Variants in ADAP1 observed in about 807,000 individuals in gnomAD.
The protein encoded by ADAP1 is arf-GAP with dual PH domain-containing protein 1.
ADAP1 carries 31 observed loss-of-function variants against 54.9 expected under a neutral mutation model. The ratio of observed to expected loss-of-function variants is 0.56; its 90% CI spans 0.42 to 0.76. ADAP1 has a LOEUF of 0.76. Ranked by LOEUF, ADAP1 falls within the 30% of genes least tolerant of loss-of-function variation. The probability of loss-of-function intolerance (pLI) is 0.00; values close to 1 mark genes in which losing one functional copy is unlikely to be tolerated. For missense variants in ADAP1, 535 were observed against 512.4 expected (o/e 1.04, Z -0.42); for synonymous variants, 313 against 202.6 (o/e 1.55, Z -4.63).
At position 929,365 on chromosome 7, in the gene ADAP1, C is replaced by A. The variant is rs541941437; in HGVS notation, c.214-2721G>T. 2.0e-5 allele frequency among the ~76,000 whole-genome samples: 3 copies of A among 151,762 alleles called. No homozygotes were observed. The South Asian group carries it at 6.2e-4, about 32-fold the overall frequency. On this transcript the variant is annotated intron_variant, in intron 2 of 10. Transcript: ENST00000265846. ...AGGCGATCCTTGGACACACGGTGCC[C>A]ATGGAGGAAACCAGACACAAAACAC... is the stretch of plus-strand genomic sequence containing the variant.
At chr7:906,759 CAG>C (rs1845455335) in intron 4 of ADAP1, among the ~76,000 whole-genome samples, 1 of 16,174 alleles carries the variant, frequency 6.2e-5, no homozygotes, top group Non-Finnish European at 1.2e-4. Flanking sequence ...GGGACATGGA[CAG>C]GGGACATGGG....
chr7:906,675 G>GA lies in ADAP1; in HGVS notation c.389-1504_389-1503insT, dbSNP rs1562915084. Among the ~76,000 whole-genome samples, 135 of 90,850 alleles carry GA rather than the reference G, an allele frequency of 1.5e-3. 5 individuals carry two copies. The highest frequency in any genetic ancestry group is 2.1e-3 in the African/African-American group (37 of 17,508). 59.6% of individuals were successfully genotyped at this position (90,850 alleles called of 152,430 possible). The stretch of plus-strand genomic sequence containing the variant: ...AGAAAGGGGGCGGGAAAGGGGACAT[G>GA]GACAGGGGACACGGGGGACATGGAC... On this transcript the variant is annotated intron_variant, in intron 4 of 10. Coordinates refer to ENST00000265846, the MANE Select transcript of ADAP1 (RefSeq NM_006869.4).
chr7:907,450 C>T (rs926646123), intron 4 of ADAP1, among the ~76,000 whole-genome samples: 1 of 152,136 alleles, frequency 6.6e-6, no homozygotes, highest in African/African-American at 2.4e-5. Flanking sequence ...CTCCGAGTCT[C>T]GGGCCCGTGG....
At chr7:919,561 A>C (rs1427073164) in intron 4 of ADAP1, among the ~76,000 whole-genome samples, 1 of 100,768 alleles carries the variant, frequency 9.9e-6, no homozygotes, top group East Asian at 2.2e-4. Context: ...AGAGACAGAG[A>C]TAGAGAGAGG....
intron 1 of ADAP1, among the ~76,000 whole-genome samples, chr7:951,080 T>G (rs1307304253): frequency 6.6e-6 from 1 of 151,146 alleles, no homozygotes; most frequent in Non-Finnish European, 1.5e-5. Flanking sequence ...AAATTATTAT[T>G]TTTAAAAAAT....
intron 4 of ADAP1, chr7:905,567 A>AAAGGGGAAAGGAGAAAGGAGAAAGG (rs1845169338): frequency 2.0e-4 from 2 of 9,878 alleles, no homozygotes; most frequent in Non-Finnish European, 3.5e-4. Flanking sequence ...AGGAGAAAGG[A>AAAGGGGAAAGGAGAAAGGAGAAAGG]GAAAGGAGAA....
intron 2 of ADAP1, among the ~76,000 whole-genome samples, chr7:929,470 T>G (rs1583172321): frequency 7.3e-6 from 1 of 137,462 alleles, no homozygotes; most frequent in Non-Finnish European, 1.5e-5. Flanking sequence ...CGCTTGAGCC[T>G]GGGAGTTCGG....
intron 1 of ADAP1, among the ~76,000 whole-genome samples, chr7:940,467 G>A (rs1846914465): frequency 6.6e-6 from 1 of 152,260 alleles, no homozygotes; most frequent in South Asian, 2.1e-4. Context: ...GGTTGTCACT[G>A]GTAGGGCAGG....
rs1318267472 is a variant in ADAP1, at chr7:945,400, C to T, written c.82+8996G>A. 6.6e-6 allele frequency among the ~76,000 whole-genome samples: 1 copy of T among 152,248 alleles called. No individual in the cohort carries two copies. The highest frequency in any genetic ancestry group is 1.9e-4 in the East Asian group (1 of 5,190). On this transcript the variant is annotated intron_variant, in intron 1 of 10. Coordinates refer to ENST00000265846, the MANE Select transcript of ADAP1 (RefSeq NM_006869.4). This position sits in a 1 kb window ranked among gnomAD's most constrained non-coding sequence, Gnocchi z 4.2. Reference sequence around the variant, plus strand: ...GCCTGGGCTGCACTCCAGCTGCCCCCTCCACTCGGGGCACTGAACCGTGGG... The same window carrying T: ...GCCTGGGCTGCACTCCAGCTGCCCCTTCCACTCGGGGCACTGAACCGTGGG...
rs1449274730 is a variant in ADAP1 at position 903,845 on chromosome 7, G to GT, written c.648+280_648+281insA. 6 of 368,910 alleles carry GT rather than the reference G, an allele frequency of 1.6e-5. No homozygotes were observed. In the East Asian group the frequency reaches 3.7e-4, roughly 23 times the overall value. The allele number at this position is 368,910 out of a possible 1,614,324, so 22.9% of individuals were successfully genotyped here. A position where few individuals can be genotyped will look rare whatever the true frequency, so the allele number is the denominator to read the frequency against. On this transcript the variant is annotated intron_variant, in intron 6 of 10. Coordinates refer to ENST00000265846, the MANE Select transcript of ADAP1 (RefSeq NM_006869.4). ...CCCACTGACAGGGCCAAGCTGGGTGGCCCCAGAGACAGCGTGGTGATCCGG... is the reference window on the plus strand; with the variant it reads ...CCCACTGACAGGGCCAAGCTGGGTGGTCCCCAGAGACAGCGTGGTGATCCGG...
At chr7:935,089 A>G in intron 2 of ADAP1, 1 of 564,450 alleles carries the variant, frequency 1.8e-6, no homozygotes, top group Non-Finnish European at 3.4e-6. Flanking sequence ...AGCACTCCGG[A>G]GCTCCCAGGG....
intron 2 of ADAP1, among the ~76,000 whole-genome samples, chr7:932,999 T>C (rs552178941): frequency 6.6e-6 from 1 of 152,244 alleles, no homozygotes; most frequent in East Asian, 1.9e-4. Flanking sequence ...CAGCCAGGCA[T>C]GGTGGCTCAC....
chr7:898,914 G>A lies in ADAP1; in HGVS notation c.*7C>T, dbSNP rs768519242. 108 of 1,599,808 alleles carry A rather than the reference G, an allele frequency of 6.8e-5. No homozygotes were observed. Among genetic ancestry groups the A allele is most frequent in the Non-Finnish European group, 8.0e-5 (94 of 1,173,978 alleles). On this transcript the variant is annotated 3_prime_UTR_variant, in exon 11 of 11. Coordinates refer to ENST00000265846, the MANE Select transcript of ADAP1 (RefSeq NM_006869.4). ...GTCCAATGTCCGTGGTCCTCCAGCCGCACTCGCTAAGGTTTATGCTTGAAG... is the reference window on the plus strand; with the variant it reads ...GTCCAATGTCCGTGGTCCTCCAGCCACACTCGCTAAGGTTTATGCTTGAAG...
At chr7:925,067 C>T (rs914368664) in intron 3 of ADAP1, among the ~76,000 whole-genome samples, 2 of 152,052 alleles carry the variant, frequency 1.3e-5, no homozygotes, top group South Asian at 4.2e-4. Context: ...TTCTCAGTGG[C>T]GATGTGGGGA....
At chr7:928,373 A>G (rs976885156) in intron 2 of ADAP1, among the ~76,000 whole-genome samples, 2 of 152,228 alleles carry the variant, frequency 1.3e-5, no homozygotes, top group African/African-American at 4.8e-5. Context: ...CTGCAAAAAA[A>G]GGAAGGTAAA....
rs1846724924 is a variant in ADAP1, at chr7:935,525, G to A, written c.83-20C>T. 1.3e-6 allele frequency: 2 copies of A among 1,557,868 alleles called. No homozygotes were observed. Among genetic ancestry groups the A allele is most frequent in the Non-Finnish European group, 1.7e-6 (2 of 1,151,180 alleles). ...CGGGATCTGCAAGGGAAAGCCGGAC[G>A]TTCACGGAGGCTCAGCCCAGGGACC... is the stretch of plus-strand genomic sequence containing the variant. On this transcript the variant is annotated intron_variant, in intron 1 of 10. Coordinates refer to ENST00000265846, the MANE Select transcript of ADAP1 (RefSeq NM_006869.4).
intron 4 of ADAP1, among the ~76,000 whole-genome samples, chr7:906,709 CGGGACATCGGGGACGGGACATG>C (rs1845430014): frequency 2.6e-4 from 11 of 41,656 alleles, no homozygotes; most frequent in South Asian, 1.5e-3. Flanking sequence ...ACATGGGGGA[CGGGACATCGGGGACGGGACATG>C]GGGGACAGAG....
chr7:918,535 T>C (rs1316439140), intron 4 of ADAP1, among the ~76,000 whole-genome samples: 3 of 152,160 alleles, frequency 2.0e-5, no homozygotes, highest in African/African-American at 7.2e-5. Context: ...GGGCAGCCTC[T>C]CTCTTACACA....
rs572701594 is a variant in ADAP1 at position 939,691 on chromosome 7, C to T, written c.83-4186G>A. ...ACTAAAAATACAAAAATTAGCCGGG[C>T]GTGGTGGCGGGTGCCTGTAATCCCA... On this transcript the variant is annotated intron_variant, in intron 1 of 10. Coordinates refer to ENST00000265846, the MANE Select transcript of ADAP1 (RefSeq NM_006869.4). Among the ~76,000 whole-genome samples the T allele has an allele frequency of 1.1e-4, 16 of 151,750 alleles. No individual in the cohort carries two copies. The East Asian group carries it at 1.8e-3, about 17-fold the overall frequency.
Sources: gnomAD v4.1 joint callset for allele counts (sites outside exome capture counted in the v4.1 genomes callset) on GRCh38, gnomAD v4.1.1 for gene constraint, Gnocchi (gnomAD v3.1) non-coding constraint, MANE v1.5 for transcripts, NCBI Gene and HGNC (gene_info 2026-07-23, HGNC 2026-07-21) for gene names.